ADGRB3: variants seen among roughly 807,000 people sequenced by gnomAD.
ADGRB3 encodes the protein brain-specific angiogenesis inhibitor 3.
ADGRB3 carries 37 observed loss-of-function variants against 193.4 expected under a neutral mutation model. The observed-to-expected ratio is 0.19, with a 90% confidence interval of 0.15 to 0.25. ADGRB3 has a LOEUF of 0.25. Among genes scored for constraint, ADGRB3 ranks in the 10% least tolerant of loss-of-function variants. The pLI is 1.00. For synonymous variants in ADGRB3, 690 were observed against 644.2 expected (o/e 1.07, Z -1.08); for missense variants, 1,637 against 1,852.9 (o/e 0.88, Z 2.14).
intron 30 of ADGRB3, among the ~76,000 whole-genome samples, chr6:69,375,117 A>G (rs923534933): frequency 2.0e-5 from 3 of 152,150 alleles, no homozygotes; most frequent in African/African-American, 7.2e-5. Flanking sequence ...TTTAGAAACC[A>G]TGCCTTATAG....
intron 15 of ADGRB3, among the ~76,000 whole-genome samples, chr6:69,049,979 T>C (rs929883299): frequency 2.6e-5 from 4 of 152,200 alleles, no homozygotes; most frequent in African/African-American, 7.2e-5. Flanking sequence ...ACAGAAAACA[T>C]CATTCACATC....
At position 68,638,835 on chromosome 6, in the gene ADGRB3, A is replaced by G. The variant is rs765076325; in HGVS notation, c.160A>G (p.Asn54Asp). ...VSEMFPKNFT[N>D]CTWTLENPDP... ...TGAAATGTTTCCTAAAAACTTTACA[A>G]ACTGCACTTGGACGCTGGAAAATCC... Residue 54 changes from asparagine (N) to aspartate (D), a missense_variant, in exon 3 of 32, where the codon AAC becomes GAC. Physicochemically the swap from Asn to Asp is conservative, Grantham distance 23. Around this residue, in one of 7 missense-constraint regions of ADGRB3, gnomAD observed 365 missense variants for 409.8 expected, o/e 0.89. Coordinates refer to ENST00000370598, the MANE Select transcript of ADGRB3 (RefSeq NM_001704.3). The G allele has an allele frequency of 1.9e-6, 3 of 1,614,196 alleles. No individual in the cohort carries two copies. The highest frequency in any genetic ancestry group is 2.2e-5 in the South Asian group (2 of 91,088).
intron 15 of ADGRB3, among the ~76,000 whole-genome samples, chr6:69,058,945 G>A (rs1771631683): frequency 2.6e-5 from 4 of 151,980 alleles, no homozygotes; most frequent in Admixed American, 1.3e-4. Context: ...TGTTCTGCAT[G>A]TGCCTGTTAG....
At chr6:69,338,486 A>G (rs1768900075) in intron 24 of ADGRB3, among the ~76,000 whole-genome samples, 1 of 152,226 alleles carries the variant, frequency 6.6e-6, no homozygotes, top group South Asian at 2.1e-4. Context: ...TGAGATAATT[A>G]TTTACATTTC....
At chr6:69,150,603 A>G (rs143522043) in intron 17 of ADGRB3, among the ~76,000 whole-genome samples, 10 of 152,290 alleles carry the variant, frequency 6.6e-5, no homozygotes, top group East Asian at 3.9e-4. Flanking sequence ...GCTCTGCCCA[A>G]TTGTGGCTGA....
rs976812917 is a variant in ADGRB3, at chr6:68,835,291, G to A, written c.758-95268G>A. 2.0e-5 allele frequency among the ~76,000 whole-genome samples: 3 copies of A among 152,122 alleles called. No individual in the cohort carries two copies. In the South Asian group the frequency reaches 6.2e-4, roughly 31 times the overall value. Reference sequence around the variant, plus strand: ...GACTTGTCATGATTACACCAACACTGTTTTCCTTATTTGGCTTGAATTTAT... The same window carrying A: ...GACTTGTCATGATTACACCAACACTATTTTCCTTATTTGGCTTGAATTTAT... On this transcript the variant is annotated intron_variant, in intron 3 of 31. Coordinates refer to ENST00000370598, the MANE Select transcript of ADGRB3 (RefSeq NM_001704.3).
At chr6:69,212,787 T>C (rs1445601310) in intron 17 of ADGRB3, among the ~76,000 whole-genome samples, 1 of 152,194 alleles carries the variant, frequency 6.6e-6, no homozygotes, top group Non-Finnish European at 1.5e-5. Flanking sequence ...CATGTAACCT[T>C]TATCAGCAAG....
At chr6:69,155,792 T>C (rs1365706782) in intron 17 of ADGRB3, among the ~76,000 whole-genome samples, 2 of 152,176 alleles carry the variant, frequency 1.3e-5, no homozygotes, top group Admixed American at 1.3e-4. Context: ...AGATAGTAGT[T>C]TGACAAAATG....
intron 8 of ADGRB3, among the ~76,000 whole-genome samples, chr6:68,973,160 G>A (rs760899073): frequency 4.6e-5 from 7 of 152,202 alleles, no homozygotes; most frequent in African/African-American, 9.6e-5. Flanking sequence ...GTCATGAAGA[G>A]TATATGTGGG....
intron 15 of ADGRB3, among the ~76,000 whole-genome samples, chr6:69,059,500 C>A (rs1383796086): frequency 1.3e-5 from 2 of 152,058 alleles, no homozygotes; most frequent in Admixed American, 1.3e-4. Flanking sequence ...ATGATTAATT[C>A]TATATATTTT....
At chr6:68,974,977 A>G in intron 9 of ADGRB3, 113 bp downstream of exon 9, 1 of 874,958 alleles carries the variant, frequency 1.1e-6, no homozygotes. Context: ...AAGTCTGTCC[A>G]ATAAGCAAAT....
At chr6:69,362,972 T>A (rs139980644) in intron 29 of ADGRB3, among the ~76,000 whole-genome samples, 2 of 151,976 alleles carry the variant, frequency 1.3e-5, no homozygotes, top group African/African-American at 2.4e-5. Flanking sequence ...AAGTTTTCTG[T>A]ATAGTGTGGC....
At chr6:68,990,456 G>T (rs958873660) in intron 10 of ADGRB3, among the ~76,000 whole-genome samples, 1 of 152,076 alleles carries the variant, frequency 6.6e-6, no homozygotes, top group Non-Finnish European at 1.5e-5. Context: ...GTTAGAGCTG[G>T]TGTTGTCATC....
intron 17 of ADGRB3, among the ~76,000 whole-genome samples, chr6:69,102,427 T>C (rs1773087353): frequency 6.6e-6 from 1 of 152,234 alleles, no homozygotes; most frequent in Non-Finnish European, 1.5e-5. Flanking sequence ...TTAAATGTTT[T>C]TAATGTACAT....
chr6:69,101,433 C>CATGTGTGTGTGTGTGT (rs368202450), intron 17 of ADGRB3, among the ~76,000 whole-genome samples: 2 of 145,286 alleles, frequency 1.4e-5, no homozygotes, highest in African/African-American at 5.1e-5. Flanking sequence ...CAGTAAGTAT[C>CATGTGTGTGTGTGTGT]GTGTGTGTGT....
intron 17 of ADGRB3, among the ~76,000 whole-genome samples, chr6:69,108,929 A>G (rs1773292521): frequency 6.6e-6 from 1 of 152,164 alleles, no homozygotes; most frequent in Admixed American, 6.5e-5. Context: ...GGGAAGAGGT[A>G]ATATTCACCA....
chr6:69,135,042 G>C (rs1449858522), intron 17 of ADGRB3, among the ~76,000 whole-genome samples: 1 of 151,818 alleles, frequency 6.6e-6, no homozygotes, highest in Non-Finnish European at 1.5e-5. Flanking sequence ...TTTCTGAGGG[G>C]TATAAATTTC....
chr6:69,260,240 G>C (rs1766895315), intron 20 of ADGRB3, among the ~76,000 whole-genome samples: 1 of 152,090 alleles, frequency 6.6e-6, no homozygotes, highest in Admixed American at 6.5e-5. Context: ...TGGCTTTTGG[G>C]TAAAGTATTT....
At chr6:69,072,341 G>A (rs1772100152) in intron 16 of ADGRB3, among the ~76,000 whole-genome samples, 1 of 152,158 alleles carries the variant, frequency 6.6e-6, no homozygotes, top group African/African-American at 2.4e-5. Flanking sequence ...AGAAAGAGAA[G>A]CATGCAGCAG....
Sources: allele counts gnomAD v4.1 joint callset (sites outside exome capture counted in the v4.1 genomes callset), GRCh38; gene constraint gnomAD v4.1.1; regional missense constraint gnomAD v4.1.1; transcripts MANE v1.5; gene names NCBI Gene and HGNC (gene_info 2026-07-23, HGNC 2026-07-21).